Variants in NRG1 observed in about 807,000 individuals in gnomAD.
NRG1 encodes the protein pro-neuregulin-1, membrane-bound isoform.
In NRG1, 18 loss-of-function variants were observed where a neutral mutation model predicts 63.8. The ratio of observed to expected loss-of-function variants is 0.28; its 90% CI spans 0.19 to 0.42. NRG1 has a LOEUF of 0.42. NRG1 is among the 10% of genes least tolerant of loss of function. The pLI, the probability that NRG1 is intolerant of heterozygous loss-of-function variation, is 1.00. For missense variants in NRG1, 762 were observed against 814.7 expected (o/e 0.94, Z 0.79); for synonymous variants, 302 against 301.3 (o/e 1.00, Z -0.02).
chr8:31,731,914 T>C (rs774407896), intron 1 of NRG1, among the ~76,000 whole-genome samples: 37 of 152,206 alleles, frequency 2.4e-4, no homozygotes, highest in Non-Finnish European at 5.1e-4. Context: ...TACTCTGGGA[T>C]GATGATACCT....
chr8:31,871,006 CTT>C lies in NRG1; in HGVS notation c.37+231588_37+231589del, dbSNP rs113769852. Among the ~76,000 whole-genome samples the C allele has an allele frequency of 1.0e-3, 143 of 143,612 alleles. 1 individual carries two copies. The highest frequency in any genetic ancestry group is 3.0e-3 in the African/African-American group (117 of 39,038). 94.2% of individuals were successfully genotyped at this position (143,612 alleles called of 152,430 possible). Reference sequence around the variant, plus strand: ...TTGTCAGATCCACACTTTTATTTTCCTTTTTTTTTTTTTTGAGACGGAGTCTC... The same window carrying C: ...TTGTCAGATCCACACTTTTATTTTCCTTTTTTTTTTTTGAGACGGAGTCTC... On this transcript the variant is annotated intron_variant, in intron 1 of 10. Coordinates refer to the NRG1 transcript ENST00000519301.
intron 1 of NRG1, among the ~76,000 whole-genome samples, chr8:32,225,542 C>A (rs1586208195): frequency 6.6e-6 from 1 of 152,066 alleles, no homozygotes; most frequent in East Asian, 1.9e-4. Context: ...AATGGAGAAG[C>A]AAGCCTTGGA....
chr8:31,673,222 A>C (rs1167473053), intron 1 of NRG1, among the ~76,000 whole-genome samples: 2 of 152,130 alleles, frequency 1.3e-5, no homozygotes, highest in Non-Finnish European at 2.9e-5. Context: ...GTGGGAGAGA[A>C]GAGAATCCGT....
At chr8:31,802,063 A>T (rs1208378121) in intron 1 of NRG1, among the ~76,000 whole-genome samples, 1 of 152,198 alleles carries the variant, frequency 6.6e-6, no homozygotes, top group Non-Finnish European at 1.5e-5. Flanking sequence ...AGTGTCAATT[A>T]TTTTTATCAC....
At chr8:32,079,200 G>C (rs1333242226) in intron 1 of NRG1, among the ~76,000 whole-genome samples, 1 of 148,954 alleles carries the variant, frequency 6.7e-6, no homozygotes, top group Non-Finnish European at 1.5e-5. Context: ...CATACAAGGG[G>C]TCATACTTTA....
At chr8:32,658,788 C>T (rs1175255253) in intron 5 of NRG1, among the ~76,000 whole-genome samples, 2 of 152,136 alleles carry the variant, frequency 1.3e-5, no homozygotes, top group African/African-American at 4.8e-5. Flanking sequence ...TTCTGGTCTC[C>T]TGCAGGTTTA....
At chr8:32,266,190 A>G (rs1307198495) in intron 1 of NRG1, among the ~76,000 whole-genome samples, 5 of 152,158 alleles carry the variant, frequency 3.3e-5, no homozygotes, top group African/African-American at 1.2e-4. Flanking sequence ...GTGTGCGCTG[A>G]TGTGTAGGAG....
intron 1 of NRG1, among the ~76,000 whole-genome samples, chr8:32,261,815 T>A (rs1850410496): frequency 6.6e-6 from 1 of 152,224 alleles, no homozygotes; most frequent in East Asian, 1.9e-4. Flanking sequence ...TGTAATACTT[T>A]GTGATGAATG....
chr8:32,338,191 T>A (rs1253094847), intron 1 of NRG1, among the ~76,000 whole-genome samples: 3 of 152,156 alleles, frequency 2.0e-5, no homozygotes, highest in Non-Finnish European at 4.4e-5. Flanking sequence ...GGAGAGGATA[T>A]GGAGGAGCAT....
chr8:32,409,549 G>A (rs944670343), intron 1 of NRG1, among the ~76,000 whole-genome samples: 5 of 152,156 alleles, frequency 3.3e-5, no homozygotes, highest in Non-Finnish European at 7.4e-5. Flanking sequence ...AACCTATGAA[G>A]CTGTTTTTAA....
intron 1 of NRG1, among the ~76,000 whole-genome samples, chr8:31,802,832 T>C (rs558135472): frequency 6.6e-6 from 1 of 152,328 alleles, no homozygotes; most frequent in East Asian, 1.9e-4. Context: ...GGATCTGTGA[T>C]ACTTGAGTTG....
Position 31,956,426 on chromosome 8 carries a change from G to A in NRG1, c.37+316995G>A, listed in dbSNP as rs183948700. 3.5e-4 allele frequency among the ~76,000 whole-genome samples: 53 copies of A among 152,200 alleles called. 1 individual carries two copies. Among genetic ancestry groups the A allele is most frequent in the Admixed American group, 3.5e-3 (53 of 15,284 alleles). On this transcript the variant is annotated intron_variant, in intron 1 of 10. Transcript: ENST00000519301. ...AGGTCAGGAGATCGAGACCATCCCG[G>A]CTAACATGGTGAAACCCCATCTCTA...
At chr8:31,755,134 G>T (rs1816841042) in intron 1 of NRG1, among the ~76,000 whole-genome samples, 1 of 152,042 alleles carries the variant, frequency 6.6e-6, no homozygotes, top group African/African-American at 2.4e-5. Context: ...TGGGCATTCT[G>T]CCCACTAATG....
At chr8:31,946,569 TC>T (rs1226458800) in intron 1 of NRG1, among the ~76,000 whole-genome samples, 1 of 151,826 alleles carries the variant, frequency 6.6e-6, no homozygotes. Flanking sequence ...TTAGAGAATA[TC>T]TGTGATGCAC....
chr8:32,096,120 A>G (rs1187466897), intron 1 of NRG1, among the ~76,000 whole-genome samples: 1 of 152,160 alleles, frequency 6.6e-6, no homozygotes, highest in Non-Finnish European at 1.5e-5. Flanking sequence ...AAGGGCTAGG[A>G]GGGGTGGTAG....
chr8:31,970,682 A>C (rs890097069), intron 1 of NRG1, among the ~76,000 whole-genome samples: 1 of 152,250 alleles, frequency 6.6e-6, no homozygotes, highest in African/African-American at 2.4e-5. Flanking sequence ...TCAGCTGCAC[A>C]TCTACTGTCC....
chr8:32,633,605 T>G (rs989711498), intron 5 of NRG1, among the ~76,000 whole-genome samples: 4 of 152,228 alleles, frequency 2.6e-5, no homozygotes, highest in African/African-American at 9.6e-5. Flanking sequence ...ATGTGTCAAC[T>G]GCACAAATAG....
intron 1 of NRG1, among the ~76,000 whole-genome samples, chr8:32,464,284 C>CT (rs1326708218): frequency 7.6e-6 from 1 of 132,062 alleles, no homozygotes; most frequent in South Asian, 3.0e-4. Flanking sequence ...TCCCCACCCC[C>CT]CCCCACCCCA....
chr8:32,019,618 T>C, intron 1 of NRG1, among the ~76,000 whole-genome samples: 1 of 152,238 alleles, frequency 6.6e-6, no homozygotes, highest in East Asian at 1.9e-4. Context: ...ACCTGCCAAA[T>C]CACAAAGATA....
Sources: allele counts gnomAD v4.1 joint callset (sites outside exome capture counted in the v4.1 genomes callset), GRCh38; gene constraint gnomAD v4.1.1; transcripts MANE v1.5; gene names NCBI Gene and HGNC (gene_info 2026-07-23, HGNC 2026-07-21).